The following NIPA2 variants were observed in gnomAD, a reference collection of about 807,000 sequenced individuals.
NIPA2 encodes the protein magnesium transporter NIPA2.
A neutral mutation model predicts 29.7 loss-of-function variants in NIPA2; 11 were observed. The ratio of observed to expected loss-of-function variants is 0.37; its 90% CI spans 0.23 to 0.61. The LOEUF (loss-of-function observed/expected upper bound fraction) is 0.61. NIPA2 is among the 20% of genes least tolerant of loss of function. NIPA2 has a pLI of 0.66. For synonymous variants in NIPA2, 183 were observed against 161.9 expected, an observed-to-expected ratio of 1.13 and a Z score of -0.99; for missense variants, 426 against 437.9, an observed-to-expected ratio of 0.97 and a Z score of 0.24.
At chr15:22,842,613 G>A (rs1368771312) in intron 2 of NIPA2, among the ~76,000 whole-genome samples, 3 of 152,054 alleles carry the variant, frequency 2.0e-5, no homozygotes, top group Admixed American at 6.5e-5. Context: ...AGGATCACCC[G>A]AGGTCAGGAG....
intron 4 of NIPA2, among the ~76,000 whole-genome samples, chr15:22,852,265 G>A (rs1178553260): frequency 6.6e-6 from 1 of 152,026 alleles, no homozygotes; most frequent in African/African-American, 2.4e-5. Flanking sequence ...TCAGGAGTTC[G>A]AGACCAGCCT....
intron 7 of NIPA2, among the ~76,000 whole-genome samples, chr15:22,862,651 C>T (rs578162714): frequency 6.6e-6 from 1 of 152,070 alleles, no homozygotes; most frequent in South Asian, 2.1e-4. Flanking sequence ...TGTCTGCTAA[C>T]TTTAGTTTTA....
chr15:22,864,750 A>G (rs535898279), intron 7 of NIPA2, among the ~76,000 whole-genome samples: 1 of 152,280 alleles, frequency 6.6e-6, no homozygotes, highest in East Asian at 1.9e-4. Flanking sequence ...GCCACAAACT[A>G]AATTGCTTTT....
rs535926724 is a variant in NIPA2, at chr15:22,868,352, A to G, written c.*1505A>G. ...AGGACAGAGACTCATTTGAACATGC[A>G]TAGGTTAATAAATAATAAATTCTTA... On this transcript the variant is annotated 3_prime_UTR_variant, in exon 8 of 8. Coordinates refer to ENST00000337451, the MANE Select transcript of NIPA2 (RefSeq NM_030922.7). 17 of 148,978 alleles carry G rather than the reference A, an allele frequency of 1.1e-4. No homozygotes were observed. In the South Asian group the frequency reaches 1.5e-3, roughly 13 times the overall value. The allele number at this position is 148,978 out of a possible 1,614,324, so 9.2% of individuals were successfully genotyped here.
intron 7 of NIPA2, among the ~76,000 whole-genome samples, chr15:22,862,690 G>C (rs1260898947): frequency 2.0e-5 from 3 of 152,026 alleles, no homozygotes; most frequent in Non-Finnish European, 4.4e-5. Flanking sequence ...CTGTGGTGGT[G>C]TTTCTCTTTT....
At position 22,853,285 on chromosome 15, in the gene NIPA2, T is replaced by C. The variant is rs983799140; in HGVS notation, c.196+17T>C. On this transcript the variant is annotated intron_variant, in intron 5 of 7. Coordinates refer to ENST00000337451, the MANE Select transcript of NIPA2 (RefSeq NM_030922.7). ...TGCTGTCAAGTATGTATAAAGAACA[T>C]TGCAAGAAAAATATGATAGCTATAT... is the stretch of plus-strand genomic sequence containing the variant. 1.9e-6 allele frequency: 3 copies of C among 1,561,082 alleles called. No individual in the cohort carries two copies. The highest frequency in any genetic ancestry group is 2.7e-5 in the African/African-American group (2 of 73,710).
chr15:22,848,200 GT>G (rs1200240873), intron 3 of NIPA2, among the ~76,000 whole-genome samples: 2 of 152,128 alleles, frequency 1.3e-5, no homozygotes, highest in Admixed American at 1.3e-4. Flanking sequence ...AAGCGTTTGG[GT>G]AGCTCGGTTT....
intron 5 of NIPA2, among the ~76,000 whole-genome samples, chr15:22,858,054 T>C (rs537612704): frequency 6.6e-6 from 1 of 152,270 alleles, no homozygotes; most frequent in Admixed American, 6.5e-5. Flanking sequence ...CTAATTGACT[T>C]GGACTCTTAC....
chr15:22,859,344 G>A (rs2058452395), intron 6 of NIPA2, among the ~76,000 whole-genome samples: 1 of 136,648 alleles, frequency 7.3e-6, no homozygotes, highest in South Asian at 2.3e-4. Flanking sequence ...CCACGCTGGA[G>A]TGCAGTGGCA....
chr15:22,840,693 C>G (rs549615488), intron 2 of NIPA2, among the ~76,000 whole-genome samples: 1 of 152,202 alleles, frequency 6.6e-6, no homozygotes, highest in East Asian at 1.9e-4. Context: ...CTTTTTTACC[C>G]CTGGGAGGTT....
chr15:22,859,729 A>C (rs2058486083), intron 6 of NIPA2, among the ~76,000 whole-genome samples: 2 of 152,126 alleles, frequency 1.3e-5, no homozygotes, highest in African/African-American at 4.8e-5. Context: ...ACTATTCCCA[A>C]AGTAGATTGA....
rs2059085162 is a variant in NIPA2 at position 22,866,493 on chromosome 15, C to CAACA, written c.730_733dup (p.Thr245LysfsTer26). ...ACCTAAATAGGGCCCTGGATATATT[C>CAACA]AACACTTCCATTGTGACTCCAATAT... is the stretch of plus-strand genomic sequence containing the variant. On this transcript the variant is annotated frameshift_variant, in exon 8 of 8. Transcript: ENST00000337451. LOFTEE classifies it high-confidence loss of function. The CAACA allele has an allele frequency of 6.2e-7, 1 of 1,613,822 alleles. No homozygotes were observed. The highest frequency in any genetic ancestry group is 1.1e-5 in the South Asian group (1 of 91,072).
intron 2 of NIPA2, among the ~76,000 whole-genome samples, chr15:22,843,913 G>C (rs1897858790): frequency 6.6e-6 from 1 of 152,144 alleles, no homozygotes; most frequent in South Asian, 2.1e-4. Flanking sequence ...GGCCAGGCTG[G>C]TCTCGAACTC....
At chr15:22,849,827 G>A (rs957363279) in intron 3 of NIPA2, among the ~76,000 whole-genome samples, 1 of 152,068 alleles carries the variant, frequency 6.6e-6, no homozygotes, top group African/African-American at 2.4e-5. Context: ...CTCCCAAAGT[G>A]CTGGGATTAC....
At chr15:22,858,217 C>A (rs1367788726) in intron 5 of NIPA2, among the ~76,000 whole-genome samples, 1 of 152,080 alleles carries the variant, frequency 6.6e-6, no homozygotes, top group Non-Finnish European at 1.5e-5. Flanking sequence ...CACGGTGAAA[C>A]TCCGTCTCTA....
At chr15:22,846,247 G>A (rs947817535) in intron 3 of NIPA2, among the ~76,000 whole-genome samples, 15 of 152,142 alleles carry the variant, frequency 9.9e-5, no homozygotes, top group African/African-American at 3.6e-4. Context: ...GCAGGGCAGT[G>A]GGGCCTACTC....
At chr15:22,845,868 TTAAAA>T (rs1222665277) in intron 3 of NIPA2, among the ~76,000 whole-genome samples, 4 of 151,764 alleles carry the variant, frequency 2.6e-5, no homozygotes, top group Admixed American at 6.6e-5. Context: ...AACACATAAA[TTAAAA>T]TAAAAGGGAA....
At chr15:22,853,873 G>A (rs73420298) in intron 5 of NIPA2, among the ~76,000 whole-genome samples, 31,323 of 152,040 alleles carry the variant, frequency 0.21, 3,466 homozygotes, top group Admixed American at 0.31. Context: ...TCTGTCGCCA[G>A]GCTGTAATGC....
chr15:22,849,547 C>G (rs137958337), intron 3 of NIPA2, among the ~76,000 whole-genome samples: 4 of 149,594 alleles, frequency 2.7e-5, no homozygotes. Flanking sequence ...TGAGTGTTTT[C>G]TTTCAATGTT....
Sources: allele counts gnomAD v4.1 joint callset (sites outside exome capture counted in the v4.1 genomes callset), GRCh38; gene constraint gnomAD v4.1.1; transcripts MANE v1.5; gene names NCBI Gene and HGNC (gene_info 2026-07-23, HGNC 2026-07-21).